MAGI1: variants seen among roughly 807,000 people sequenced by gnomAD.
MAGI1 encodes membrane associated guanylate kinase, WW and PDZ domain containing 1, also known as membrane-associated guanylate kinase, WW and PDZ domain-containing protein 1.
A neutral mutation model predicts 139.9 loss-of-function variants in MAGI1; 58 were observed. The ratio of observed to expected loss-of-function variants is 0.41; its 90% confidence interval spans 0.34 to 0.52. MAGI1 has a LOEUF of 0.52. Among genes scored for constraint, MAGI1 ranks in the 20% least tolerant of loss-of-function variants. The pLI, the probability that MAGI1 is intolerant of heterozygous loss-of-function variation, is 0.12. For synonymous variants in MAGI1, 812 were observed against 737.9 expected, an observed-to-expected ratio of 1.10 and a Z score of -1.63; for missense variants, 1,874 against 1,901.6, an observed-to-expected ratio of 0.99 and a Z score of 0.27.
chr3:65,843,838 T>A, intron 1 of MAGI1: 1 of 191,618 alleles, frequency 5.2e-6, no homozygotes, highest in East Asian at 1.6e-4. Context: ...GAGAAGAGAG[T>A]TTTATGGTCA....
intron 1 of MAGI1, among the ~76,000 whole-genome samples, chr3:65,636,682 A>G (rs1336682767): frequency 6.6e-6 from 1 of 150,902 alleles, no homozygotes; most frequent in Non-Finnish European, 1.5e-5. Context: ...TTTTTAAACT[A>G]TGTTTATAAG....
intron 1 of MAGI1, among the ~76,000 whole-genome samples, chr3:66,022,946 C>T (rs1330021272): frequency 6.6e-6 from 1 of 152,170 alleles, no homozygotes; most frequent in Non-Finnish European, 1.5e-5. Context: ...GAAATTTAAC[C>T]TGGGATCGCC....
At chr3:65,828,186 T>C (rs1448871765) in intron 1 of MAGI1, among the ~76,000 whole-genome samples, 1 of 152,226 alleles carries the variant, frequency 6.6e-6, no homozygotes, top group African/African-American at 2.4e-5. Flanking sequence ...AGTTCTTATC[T>C]AGTTCTACTT....
intron 1 of MAGI1, among the ~76,000 whole-genome samples, chr3:65,813,206 T>C (rs1381256778): frequency 6.6e-6 from 1 of 152,084 alleles, no homozygotes; most frequent in Non-Finnish European, 1.5e-5. Context: ...CTATCCTCTT[T>C]GTCTCACCAA....
At position 65,872,701 on chromosome 3, in the gene MAGI1, T is replaced by A. The variant is rs566062676; in HGVS notation, c.313+165295A>T. 8 of 152,332 alleles carry A rather than the reference T, an allele frequency of 5.3e-5. No individual in the cohort carries two copies. In the South Asian group the frequency reaches 6.2e-4, roughly 12 times the overall value. The allele number at this position is 152,332 out of a possible 1,614,324, so 9.4% of individuals were successfully genotyped here. A position where few individuals can be genotyped will look rare whatever the true frequency, so the allele number is the denominator to read the frequency against. ...GAATAGAAAAATAAATATTTTATTG[T>A]ATGTACATGCAAGTGAATATTATAC... On this transcript the variant is annotated intron_variant, in intron 1 of 22. Coordinates refer to ENST00000402939, the MANE Select transcript of MAGI1 (RefSeq NM_001033057.2).
chr3:65,980,126 A>T (rs1430914251), intron 1 of MAGI1, among the ~76,000 whole-genome samples: 2 of 152,228 alleles, frequency 1.3e-5, no homozygotes, highest in Non-Finnish European at 2.9e-5. Flanking sequence ...TCCAGCTTTT[A>T]AAAAGCTGGG....
In MAGI1 at chr3:65,555,124, T is replaced by C. The variant is rs370381763; in HGVS notation, c.431-61493A>G. ...CCATACAATTTTTGTAACTTTTCTC[T>C]AAGTCTAAATTATTTCGAAATTAAA... On this transcript the variant is annotated intron_variant, in intron 2 of 22. Coordinates refer to ENST00000402939, the MANE Select transcript of MAGI1 (RefSeq NM_001033057.2). Among the ~76,000 whole-genome samples the C allele has an allele frequency of 3.9e-5, 6 of 152,350 alleles. No individual in the cohort carries two copies. In the East Asian group the frequency reaches 1.2e-3, roughly 29 times the overall value.
chr3:65,442,307 C>A (rs1402274362), intron 8 of MAGI1, among the ~76,000 whole-genome samples: 1 of 152,158 alleles, frequency 6.6e-6, no homozygotes, highest in Non-Finnish European at 1.5e-5. Context: ...ATTTTCTCCT[C>A]AATCCTGGCA....
chr3:65,621,856 T>C (rs3749454), intron 2 of MAGI1, 116 bp downstream of exon 2: 182,663 of 686,676 alleles, frequency 0.27, 25,991 homozygotes, highest in Middle Eastern at 0.39. Context: ...AGTCACTCAG[T>C]AGGCCAACCA....
At chr3:65,674,860 C>T (rs1427942895) in intron 1 of MAGI1, among the ~76,000 whole-genome samples, 1 of 152,158 alleles carries the variant, frequency 6.6e-6, no homozygotes, top group Non-Finnish European at 1.5e-5. Context: ...TTAATCTCAT[C>T]ACTGCAGCCC....
intron 1 of MAGI1, among the ~76,000 whole-genome samples, chr3:65,714,835 A>T (rs886430326): frequency 2.2e-4 from 34 of 152,050 alleles, no homozygotes; most frequent in Admixed American, 5.9e-4. Flanking sequence ...AATCATCTGA[A>T]ATTTCTGTTT....
chr3:65,580,605 T>C (rs143312038), intron 2 of MAGI1, among the ~76,000 whole-genome samples: 28 of 152,158 alleles, frequency 1.8e-4, no homozygotes, highest in Non-Finnish European at 3.5e-4. Flanking sequence ...GTACTGAACT[T>C]TGTGGTATTT....
chr3:65,520,572 G>A (rs1021831487), intron 2 of MAGI1, among the ~76,000 whole-genome samples: 3 of 152,006 alleles, frequency 2.0e-5, no homozygotes, highest in Non-Finnish European at 4.4e-5. Flanking sequence ...CACTTAATGA[G>A]TACTCAAAAA....
intron 4 of MAGI1, among the ~76,000 whole-genome samples, chr3:65,477,711 A>ATTATTAT (rs376492339): frequency 1.4e-5 from 2 of 141,610 alleles, no homozygotes; most frequent in South Asian, 2.2e-4. Context: ...TATTATTATT[A>ATTATTAT]TTTTTTTTTT....
At chr3:65,690,716 G>C (rs1345734146) in intron 1 of MAGI1, among the ~76,000 whole-genome samples, 2 of 150,438 alleles carry the variant, frequency 1.3e-5, no homozygotes, top group Non-Finnish European at 3.0e-5. Flanking sequence ...CTGACCTCAA[G>C]TGATCCACCT....
intron 14 of MAGI1, among the ~76,000 whole-genome samples, chr3:65,384,724 C>T (rs1352685901): frequency 6.6e-6 from 1 of 151,942 alleles, no homozygotes; most frequent in African/African-American, 2.4e-5. Flanking sequence ...CAGAGTAAGA[C>T]CCTGTCTCAA....
intron 1 of MAGI1, among the ~76,000 whole-genome samples, chr3:65,640,648 A>G (rs753950785): frequency 1.4e-4 from 22 of 152,200 alleles, no homozygotes; most frequent in Non-Finnish European, 2.6e-4. Context: ...GTTCACAAAA[A>G]TTCAACATTG....
chr3:65,885,376 A>G (rs1465580909), intron 1 of MAGI1, among the ~76,000 whole-genome samples: 2 of 151,824 alleles, frequency 1.3e-5, no homozygotes, highest in Non-Finnish European at 2.9e-5. Flanking sequence ...CAGCTTGGGC[A>G]AGAAGAGCAA....
intron 1 of MAGI1, among the ~76,000 whole-genome samples, chr3:65,980,988 G>A (rs1163672007): frequency 2.0e-5 from 3 of 151,822 alleles, no homozygotes; most frequent in African/African-American, 7.3e-5. Flanking sequence ...GTAAAACCCA[G>A]TCTCTACTAA....
Sources: gnomAD v4.1 joint callset for allele counts (sites outside exome capture counted in the v4.1 genomes callset) on GRCh38, gnomAD v4.1.1 for gene constraint, MANE v1.5 for transcripts, NCBI Gene and HGNC (gene_info 2026-07-23, HGNC 2026-07-21) for gene names.